HCRTR2: variants seen among roughly 807,000 people sequenced by gnomAD.
HCRTR2 encodes orexin receptor type 2.
HCRTR2 carries 22 observed loss-of-function variants against 49.0 expected under a neutral mutation model. The ratio of observed to expected loss-of-function variants is 0.45; its 90% CI spans 0.32 to 0.64. The LOEUF is 0.64. Ranked by LOEUF, HCRTR2 falls within the 30% of genes least tolerant of loss-of-function variation. HCRTR2 has a pLI of 0.04. For synonymous variants in HCRTR2, 236 were observed against 205.3 expected (o/e 1.15, Z -1.28); for missense variants, 491 against 559.4 (o/e 0.88, Z 1.23).
intron 1 of HCRTR2, among the ~76,000 whole-genome samples, chr6:55,139,923 C>A (rs1159204037): frequency 6.6e-6 from 1 of 152,042 alleles, no homozygotes; most frequent in Non-Finnish European, 1.5e-5. Flanking sequence ...TAAAATTGAC[C>A]TATTTGAAAT....
intron 1 of HCRTR2, among the ~76,000 whole-genome samples, chr6:55,122,946 A>G (rs1029832263): frequency 8.2e-6 from 1 of 122,488 alleles, no homozygotes; most frequent in Admixed American, 9.9e-5. Context: ...GAAGGGGAAC[A>G]TCACACACTG....
chr6:55,229,942 C>A (rs2127299504), intron 1 of HCRTR2, among the ~76,000 whole-genome samples: 1 of 152,204 alleles, frequency 6.6e-6, no homozygotes, highest in Non-Finnish European at 1.5e-5. Context: ...ATACAGCAGG[C>A]TTTACACACA....
At chr6:55,163,388 A>T (rs983606963) in intron 1 of HCRTR2, among the ~76,000 whole-genome samples, 1 of 152,258 alleles carries the variant, frequency 6.6e-6, no homozygotes, top group African/African-American at 2.4e-5. Context: ...CTACAAGGCT[A>T]CAGTAACCAA....
At chr6:55,277,657 T>TA in intron 5 of HCRTR2, 57 bp downstream of exon 5, 45 of 1,213,368 alleles carry the variant, frequency 3.7e-5, no homozygotes, top group Non-Finnish European at 5.2e-5. Flanking sequence ...GATTCTTAAT[T>TA]AACTTTTTTT....
chr6:55,193,133 G>A (rs913497898), intron 1 of HCRTR2, among the ~76,000 whole-genome samples: 1 of 152,104 alleles, frequency 6.6e-6, no homozygotes, highest in African/African-American at 2.4e-5. Context: ...AATATTGAAA[G>A]TCTATTAATT....
intron 1 of HCRTR2, among the ~76,000 whole-genome samples, chr6:55,245,078 C>T (rs1003980927): frequency 6.6e-6 from 1 of 151,690 alleles, no homozygotes; most frequent in African/African-American, 2.4e-5. Flanking sequence ...AGGCTTATAG[C>T]ATAATTTGAA....
At chr6:55,185,632 T>G (rs914445444) in intron 1 of HCRTR2, among the ~76,000 whole-genome samples, 2 of 152,150 alleles carry the variant, frequency 1.3e-5, no homozygotes, top group African/African-American at 4.8e-5. Context: ...ACATTAAAAA[T>G]GCTGAAAACT....
rs1395582880 is a variant in HCRTR2 at position 55,263,696 on chromosome 6, T to C, written c.647-11T>C. 6.7e-7 allele frequency: 1 copy of C among 1,499,872 alleles called. No individual in the cohort carries two copies. Among genetic ancestry groups the C allele is most frequent in the Non-Finnish European group, 9.3e-7 (1 of 1,077,586 alleles). 92.9% of individuals were successfully genotyped at this position (1,499,872 alleles called of 1,614,324 possible). The stretch of plus-strand genomic sequence containing the variant: ...TAACGTAAGGTTTTGTTGTTTTGAC[T>C]TTCATCCTAGGTGAAATTTATCCCA... On this transcript the variant is annotated splice_polypyrimidine_tract_variant and intron_variant, in intron 3 of 6. Coordinates refer to ENST00000370862, the MANE Select transcript of HCRTR2 (RefSeq NM_001384272.1).
chr6:55,259,632 A>G (rs1387501974), intron 3 of HCRTR2, among the ~76,000 whole-genome samples: 2 of 150,524 alleles, frequency 1.3e-5, no homozygotes, highest in African/African-American at 4.9e-5. Flanking sequence ...CTAAAGATCC[A>G]CATTTGTTCC....
chr6:55,206,653 G>T (rs1436288415), intron 1 of HCRTR2, among the ~76,000 whole-genome samples: 3 of 151,886 alleles, frequency 2.0e-5, no homozygotes, highest in Non-Finnish European at 4.4e-5. Context: ...TAAGGCTTAT[G>T]TTCTTAGCTC....
chr6:55,188,393 G>C (rs1180947522), intron 1 of HCRTR2, among the ~76,000 whole-genome samples: 1 of 152,176 alleles, frequency 6.6e-6, no homozygotes, highest in Non-Finnish European at 1.5e-5. Context: ...AGACCGCTCT[G>C]AATGCTGAGT....
chr6:55,266,177 C>T (rs1766856809), intron 4 of HCRTR2, among the ~76,000 whole-genome samples: 1 of 152,140 alleles, frequency 6.6e-6, no homozygotes, highest in South Asian at 2.1e-4. Context: ...ACTAATTGTA[C>T]TTACATTTAA....
intron 4 of HCRTR2, among the ~76,000 whole-genome samples, chr6:55,273,755 C>A (rs1328944009): frequency 1.3e-5 from 1 of 74,232 alleles, no homozygotes; most frequent in Non-Finnish European, 3.6e-5. Flanking sequence ...ACTTACCTTT[C>A]CTTCCCTGAC....
intron 1 of HCRTR2, among the ~76,000 whole-genome samples, chr6:55,164,378 T>C (rs1227191106): frequency 6.6e-6 from 1 of 152,220 alleles, no homozygotes; most frequent in African/African-American, 2.4e-5. Flanking sequence ...CCAACCCAGA[T>C]GTCCATCAAT....
intron 1 of HCRTR2, among the ~76,000 whole-genome samples, chr6:55,217,491 A>G (rs1452836176): frequency 6.6e-6 from 1 of 152,120 alleles, no homozygotes; most frequent in African/African-American, 2.4e-5. Flanking sequence ...TTTCTTCTAT[A>G]AGATATTTTA....
intron 1 of HCRTR2, among the ~76,000 whole-genome samples, chr6:55,149,885 A>G (rs1360278250): frequency 6.6e-6 from 1 of 152,054 alleles, no homozygotes; most frequent in African/African-American, 2.4e-5. Flanking sequence ...TGTTTGATAA[A>G]GCTAAATCAC....
intron 1 of HCRTR2, among the ~76,000 whole-genome samples, chr6:55,200,230 C>A (rs1033624336): frequency 8.4e-6 from 1 of 119,506 alleles, no homozygotes; most frequent in African/African-American, 3.0e-5. Context: ...TACTTGTTTG[C>A]TGTCTTGTGT....
chr6:55,174,508 T>C, upstream of HCRTR2: 1 of 1,228,932 alleles, frequency 8.1e-7, no homozygotes, highest in South Asian at 1.2e-5. Flanking sequence ...GCGCAGCCTT[T>C]CCCACCGCAA....
intron 1 of HCRTR2, among the ~76,000 whole-genome samples, chr6:55,161,560 G>T (rs1014297969): frequency 1.3e-5 from 2 of 151,722 alleles, no homozygotes; most frequent in African/African-American, 4.8e-5. Flanking sequence ...TTTTTGAAAA[G>T]ATTAACAAAA....
Sources: allele counts gnomAD v4.1 joint callset (sites outside exome capture counted in the v4.1 genomes callset), GRCh38; gene constraint gnomAD v4.1.1; transcripts MANE v1.5; gene names NCBI Gene and HGNC (gene_info 2026-07-23, HGNC 2026-07-21).